ENO3: variants seen among roughly 807,000 people sequenced by gnomAD.
ENO3 encodes the protein beta-enolase.
In ENO3, 46 loss-of-function variants were observed where a neutral mutation model predicts 47.7. The observed-to-expected ratio is 0.96, with a 90% CI of 0.76 to 1.23. ENO3 has a LOEUF of 1.23. Ranked by LOEUF, ENO3 falls within the 50% of genes most tolerant of loss-of-function variation. The probability of loss-of-function intolerance (pLI) is 0.00; values close to 1 mark genes in which losing one functional copy is unlikely to be tolerated. For synonymous variants in ENO3, 223 were observed against 225.9 expected (o/e 0.99, Z 0.11); for missense variants, 575 against 566.2 (o/e 1.02, Z -0.16).
chr17:4,955,004 AC>A, intron 6 of ENO3, 70 bp from the exon 7 acceptor site: 6 of 1,389,896 alleles, frequency 4.3e-6, no homozygotes, highest in Non-Finnish European at 4.9e-6. Context: ...CCACCCCAAC[AC>A]CCCCCGCCCC....
chr17:4,952,100 C>A, intron 2 of ENO3, 186 bp downstream of exon 2: 1 of 704,104 alleles, frequency 1.4e-6, no homozygotes, highest in Non-Finnish European at 2.6e-6. Context: ...TCTCTCTGCA[C>A]TGCCTCCTGT....
At position 4,957,085 on chromosome 17, in the gene ENO3, G is replaced by C. The variant is rs1971763370; in HGVS notation, c.*38G>C. ...TCCAGGACTCCACTGGACAGACCCA[G>C]GTCTTCCAGACCTGCTTCCTGAAAT... is the stretch of plus-strand genomic sequence containing the variant. On this transcript the variant is annotated 3_prime_UTR_variant, in exon 12 of 12. Coordinates refer to ENST00000519602, the MANE Select transcript of ENO3 (RefSeq NM_053013.4). 2 of 1,612,892 alleles carry C rather than the reference G, an allele frequency of 1.2e-6. No individual in the cohort carries two copies. Among genetic ancestry groups the C allele is most frequent in the South Asian group, 2.2e-5 (2 of 91,028 alleles).
In ENO3 at chr17:4,951,881, C is replaced by T. The variant is rs775083300; in HGVS notation, c.52C>T (p.Pro18Ser). The T allele has an allele frequency of 2.5e-6, 4 of 1,614,178 alleles. No homozygotes were observed. In the South Asian group the frequency reaches 3.3e-5, roughly 13 times the overall value. ...AREILDSRGNPTVEVDLHTAK... is the reference protein window; with the variant it reads ...AREILDSRGNSTVEVDLHTAK... ...GGAAATCTTGGACTCCAGGGGCAACCCCACGGTGGAGGTGGACCTGCACAC... is the reference window on the plus strand; with the variant it reads ...GGAAATCTTGGACTCCAGGGGCAACTCCACGGTGGAGGTGGACCTGCACAC... Residue 18 changes from proline to serine, a missense_variant, in exon 2 of 12, where the codon CCC becomes TCC. By Grantham distance (74) the Pro-to-Ser change is moderately conservative. Transcript: ENST00000519602.
intron 4 of ENO3, 62 bp downstream of exon 4, chr17:4,953,171 C>T (rs77592115): frequency 3.1e-6 from 5 of 1,612,946 alleles, no homozygotes; most frequent in Non-Finnish European, 4.2e-6. Context: ...TCAGCCCAGA[C>T]AGGCCTCTCC....
intron 2 of ENO3, among the ~76,000 whole-genome samples, 188 bp from the exon 3 acceptor site, chr17:4,952,607 G>A (rs1437126615): frequency 2.0e-5 from 3 of 152,256 alleles, no homozygotes; most frequent in Non-Finnish European, 4.4e-5. Flanking sequence ...ACAGGCGTGA[G>A]CCACCGCGCC....
rs115938876 is a variant in ENO3 at position 4,952,652 on chromosome 17, C to T, written c.86-143C>T. The stretch of plus-strand genomic sequence containing the variant: ...CTAATTTTTGTATTTTTAGCAGAGA[C>T]GGTTTCGCCATGTTAGCCAGGCTGG... On this transcript the variant is annotated intron_variant, in intron 2 of 11. Coordinates refer to ENST00000519602, the MANE Select transcript of ENO3 (RefSeq NM_053013.4). 3,910 of 854,558 alleles carry T rather than the reference C, an allele frequency of 4.6e-3. 99 individuals carry two copies. The African/African-American group carries it at 0.056, about 12-fold the overall frequency. The allele number at this position is 854,558 out of a possible 1,614,324, so 52.9% of individuals were successfully genotyped here.
At chr17:4,954,167 G>C (rs937944874) in intron 6 of ENO3, 1 of 441,574 alleles carries the variant, frequency 2.3e-6, no homozygotes, top group African/African-American at 2.0e-5. Flanking sequence ...CAAAGATCTT[G>C]GCATTTCTTT....
At chr17:4,948,816 G>C (rs1449981809), upstream of ENO3, 1 of 168,480 alleles carries the variant, frequency 5.9e-6, no homozygotes, top group Non-Finnish European at 1.3e-5. Flanking sequence ...CTTTGGTATC[G>C]GGGCAGGGAG....
chr17:4,953,865 C>T lies in ENO3; in HGVS notation c.444+20C>T, dbSNP rs778632605. 29 of 1,614,074 alleles carry T rather than the reference C, an allele frequency of 1.8e-5. No homozygotes were observed. In the Admixed American group the frequency reaches 4.7e-4, roughly 26 times the overall value. Reference sequence around the variant, plus strand: ...GTGCCAGTGAGTGCAGCTACCCGCCCTTCCCAGATCTCGCCTGGACAGAGC... The same window carrying T: ...GTGCCAGTGAGTGCAGCTACCCGCCTTTCCCAGATCTCGCCTGGACAGAGC... On this transcript the variant is annotated intron_variant, in intron 6 of 11. Transcript: ENST00000519602.
At chr17:4,952,201 G>T (rs1567670053) in intron 2 of ENO3, 2 of 485,420 alleles carry the variant, frequency 4.1e-6, no homozygotes, top group Non-Finnish European at 4.0e-6. Flanking sequence ...TTTTGAGATG[G>T]AGTCTCGCTC....
At chr17:4,955,763 A>G in intron 8 of ENO3, 159 bp downstream of exon 8, 1 of 1,316,476 alleles carries the variant, frequency 7.6e-7, no homozygotes, top group South Asian at 1.2e-5. Context: ...CCCCTCCATG[A>G]GGCTCCTTCT....
intron 6 of ENO3, 96 bp downstream of exon 6, chr17:4,953,941 C>G: frequency 6.3e-7 from 1 of 1,580,510 alleles, no homozygotes; most frequent in Non-Finnish European, 8.6e-7. Context: ...CCTTTCAGAC[C>G]AGCTCCTAAG....
chr17:4,949,575 C>T (rs112089924), upstream of ENO3, among the ~76,000 whole-genome samples: 18,594 of 151,034 alleles, frequency 0.12, 1,981 homozygotes, highest in African/African-American at 0.27. Context: ...CTTTGGGTTT[C>T]TTCGCAGTCA....
chr17:4,950,584 G>A, upstream of ENO3: 7 of 985,546 alleles, frequency 7.1e-6, no homozygotes, highest in Non-Finnish European at 7.2e-6. Flanking sequence ...CCTGGAGAGG[G>A]TAGGATGGGG....
At chr17:4,954,104 C>T in intron 6 of ENO3, 3 of 582,678 alleles carry the variant, frequency 5.1e-6, no homozygotes, top group Non-Finnish European at 6.1e-6. Context: ...TAACTCCAGC[C>T]TCGTTCCAAC....
At position 4,956,662 on chromosome 17, in the gene ENO3, T is replaced by TG. The variant is rs753189024; in HGVS notation, c.1161dup (p.Leu388AlafsTer43). 6 of 1,614,008 alleles carry TG rather than the reference T, an allele frequency of 3.7e-6. No homozygotes were observed. Among genetic ancestry groups the TG allele is most frequent in the Non-Finnish European group, 4.2e-6 (5 of 1,179,986 alleles). On this transcript the variant is annotated frameshift_variant, in exon 10 of 12. Transcript: ENST00000519602. LOFTEE classifies it high-confidence loss of function. ...GACACATTCATTGCTGACCTTGTGG[T>TG]GGGGCTCTGCACAGGACAGGTACTT...
Position 4,955,452 on chromosome 17 carries a change from A to G in ENO3, c.713A>G (p.Asp238Gly). The G allele has an allele frequency of 1.2e-6, 2 of 1,614,160 alleles. No individual in the cohort carries two copies. Among genetic ancestry groups the G allele is most frequent in the Non-Finnish European group, 8.5e-7 (1 of 1,179,984 alleles). ...GCCATCCAGGCGGCTGGTTACCCAG[A>G]CAAGGTGGTGATCGGCATGGATGTG... ...KTAIQAAGYP[D>G]KVVIGMDVAA... is the part of the protein sequence containing the mutation. Residue 238 changes from aspartate (D) to glycine (G), a missense_variant, in exon 8 of 12, where the codon GAC (aspartate) becomes GGC (glycine). Coordinates refer to ENST00000519602, the MANE Select transcript of ENO3 (RefSeq NM_053013.4).
rs1971601467 is a variant in ENO3 at position 4,953,102 on chromosome 17, T to A, written c.233T>A (p.Leu78Gln). 2 of 1,614,106 alleles carry A rather than the reference T, an allele frequency of 1.2e-6. No individual in the cohort carries two copies. Among genetic ancestry groups the A allele is most frequent in the East Asian group, 4.5e-5 (2 of 44,888 alleles). Residue 78 changes from leucine (L) to glutamine (Q), a missense_variant, in exon 4 of 12, where the codon CTG becomes CAG. By Grantham distance (113) the Leu-to-Gln change is moderately radical. Transcript: ENST00000519602. The stretch of plus-strand genomic sequence containing the variant: ...AACAATACTCTGGGCCCTGCTCTGC[T>A]GCAAAAGGCAAGTGGGGAAGCCCGC... ...NINNTLGPAL[L>Q]QKKLSVVDQE...
upstream of ENO3, chr17:4,950,416 G>A (rs1215882428): frequency 7.4e-6 from 2 of 269,274 alleles, no homozygotes; most frequent in South Asian, 1.4e-4. Context: ...GGGGCCGTGC[G>A]CTGAGCGCCC....
Sources: allele counts gnomAD v4.1 joint callset (sites outside exome capture counted in the v4.1 genomes callset), GRCh38; gene constraint gnomAD v4.1.1; transcripts MANE v1.5; gene names NCBI Gene and HGNC (gene_info 2026-07-23, HGNC 2026-07-21).